Variants in PRR14L observed in about 807,000 individuals in gnomAD.
PRR14L encodes the protein protein PRR14L.
PRR14L carries 80 observed loss-of-function variants against 155.0 expected under a neutral mutation model. The observed-to-expected ratio is 0.52, with a 90% CI of 0.43 to 0.62. PRR14L has a LOEUF of 0.62. Among genes scored for constraint, PRR14L ranks in the 20% least tolerant of loss-of-function variants. The pLI, the probability that PRR14L is intolerant of heterozygous loss-of-function variation, is 0.00. For synonymous variants in PRR14L, 883 were observed against 916.0 expected, an observed-to-expected ratio of 0.96 and a Z score of 0.65; for missense variants, 2,469 against 2,548.0, an observed-to-expected ratio of 0.97 and a Z score of 0.67.
Position 31,713,452 on chromosome 22 carries a change from T to A in PRR14L, c.4387A>T (p.Lys1463Ter). ...CTTTCCTCCTTCTGGTCTTCTAACT[T>A]CTGAGTCTGTGCCACAATGCTGTCC... ...AKDSIVAQTQ[K>*]LEDQKEERLH... The change falls in exon 4 of 9, where the codon AAG becomes TAG. Residue 1463 changes from lysine (K) to a stop codon, truncating the protein, a stop_gained. Coordinates refer to ENST00000327423, the MANE Select transcript of PRR14L (RefSeq NM_173566.3). LOFTEE classifies it high-confidence loss of function. 6.4e-7 allele frequency: 1 copy of A among 1,551,962 alleles called. No individual in the cohort carries two copies. Among genetic ancestry groups the A allele is most frequent in the Non-Finnish European group, 8.7e-7 (1 of 1,147,044 alleles).
intron 8 of PRR14L, among the ~76,000 whole-genome samples, chr22:31,686,388 G>T (rs1262508109): frequency 6.6e-6 from 1 of 150,542 alleles, no homozygotes; most frequent in Admixed American, 6.6e-5. Flanking sequence ...TTACAGGTGT[G>T]AGCCACTGCA....
chr22:31,717,429 T>C, intron 3 of PRR14L, 138 bp from the exon 4 acceptor site: 1 of 664,274 alleles, frequency 1.5e-6, no homozygotes. Context: ...GTTAGCATGC[T>C]ATACCATTGA....
At chr22:31,747,566 C>A (rs2074846046) in intron 1 of PRR14L, among the ~76,000 whole-genome samples, 1 of 150,718 alleles carries the variant, frequency 6.6e-6, no homozygotes, top group African/African-American at 2.4e-5. Context: ...AAAATAAGCT[C>A]AAAGGGTCTT....
At chr22:31,708,731 A>T (rs997574105) in intron 4 of PRR14L, among the ~76,000 whole-genome samples, 3 of 152,042 alleles carry the variant, frequency 2.0e-5, no homozygotes, top group Non-Finnish European at 4.4e-5. Context: ...ACCTCTGCTG[A>T]TTCTTGTGCC....
At chr22:31,705,287 T>C (rs911888772) in intron 4 of PRR14L, among the ~76,000 whole-genome samples, 1 of 152,152 alleles carries the variant, frequency 6.6e-6, no homozygotes, top group African/African-American at 2.4e-5. Flanking sequence ...TTAAAAAATT[T>C]AAAGAATATA....
rs749097972 is a variant in PRR14L at position 31,712,601 on chromosome 22, C to G, written c.5238G>C (p.Arg1746Ser). ...ACTGGAGGGCCTCTCCTAAGGCAAG[C>G]CTTGCCGGAGCACAGTGCTCAGGAA... ...RTFPEHCAPARLALGEALQCP... is the reference protein window; with the variant it reads ...RTFPEHCAPASLALGEALQCP... Residue 1746 changes from arginine to serine, a missense_variant, in exon 4 of 9, where the codon AGG becomes AGC. Arg to Ser is a moderately radical substitution (Grantham distance 110, BLOSUM62 -1). Transcript: ENST00000327423. 3 of 1,551,704 alleles carry G rather than the reference C, an allele frequency of 1.9e-6. No homozygotes were observed. In the South Asian group the frequency reaches 3.6e-5, roughly 18 times the overall value.
intron 8 of PRR14L, among the ~76,000 whole-genome samples, chr22:31,687,673 A>G (rs2074489056): frequency 6.6e-6 from 1 of 151,636 alleles, no homozygotes; most frequent in Non-Finnish European, 1.5e-5. Context: ...ACGTAACCCA[A>G]TACACTTTAT....
Position 31,682,034 on chromosome 22 carries a change from T to A in PRR14L, c.*3493A>T, listed in dbSNP as rs1433609675. The A allele has an allele frequency of 1.3e-5, 2 of 152,160 alleles. No homozygotes were observed. Among genetic ancestry groups the A allele is most frequent in the Non-Finnish European group, 2.9e-5 (2 of 68,024 alleles). 9.4% of individuals were successfully genotyped at this position (152,160 alleles called of 1,614,324 possible). On this transcript the variant is annotated 3_prime_UTR_variant, in exon 9 of 9. Transcript: ENST00000327423. The stretch of plus-strand genomic sequence containing the variant: ...GGAGAAAAGTATCACTGCCTAAAAG[T>A]TGGTCTTTCGCAGATCTTAATGTAC...
chr22:31,721,757 G>A (rs572191153), intron 3 of PRR14L, among the ~76,000 whole-genome samples: 19 of 152,174 alleles, frequency 1.2e-4, no homozygotes, highest in African/African-American at 4.3e-4. Flanking sequence ...AAGTACACAA[G>A]TTGATCTTTT....
intron 3 of PRR14L, 129 bp from the exon 4 acceptor site, chr22:31,717,420 T>G: frequency 4.2e-6 from 3 of 713,350 alleles, no homozygotes; most frequent in Non-Finnish European, 4.5e-6. Context: ...AACTGGAAAG[T>G]TAGCATGCTA....
At chr22:31,744,359 C>G (rs1911732143) in intron 1 of PRR14L, among the ~76,000 whole-genome samples, 1 of 152,158 alleles carries the variant, frequency 6.6e-6, no homozygotes, top group East Asian at 1.9e-4. Context: ...TCTCAAACTC[C>G]CAACCTCAGG....
intron 7 of PRR14L, among the ~76,000 whole-genome samples, chr22:31,694,391 T>G (rs2074524935): frequency 6.6e-6 from 1 of 151,268 alleles, no homozygotes; most frequent in Non-Finnish European, 1.5e-5. Flanking sequence ...TTAAACATTT[T>G]TTGGACCATC....
rs192243748 is a variant in PRR14L at position 31,683,966 on chromosome 22, G to A, written c.*1561C>T. The stretch of plus-strand genomic sequence containing the variant: ...TCCCATCGGCGGCTGCTCCATGCCA[G>A]TGGCTCCCAGGAGGATATGAAGAGG... On this transcript the variant is annotated 3_prime_UTR_variant, in exon 9 of 9. Transcript: ENST00000327423. 7 of 152,324 alleles carry A rather than the reference G, an allele frequency of 4.6e-5. No homozygotes were observed. The highest frequency in any genetic ancestry group is 7.3e-5 in the Non-Finnish European group (5 of 68,152). 9.4% of individuals were successfully genotyped at this position (152,324 alleles called of 1,614,324 possible). A position where few individuals can be genotyped will look rare whatever the true frequency, so the allele number is the denominator to read the frequency against.
chr22:31,715,547 T>C lies in PRR14L; in HGVS notation c.2292A>G (p.Glu764=), dbSNP rs1569498903. 4.5e-6 allele frequency: 7 copies of C among 1,552,026 alleles called. No individual in the cohort carries two copies. Among genetic ancestry groups the C allele is most frequent in the Non-Finnish European group, 1.7e-6 (2 of 1,147,070 alleles). The change falls in exon 4 of 9, where the codon GAA becomes GAG. Residue 764 remains glutamate, a synonymous_variant. Coordinates refer to ENST00000327423, the MANE Select transcript of PRR14L (RefSeq NM_173566.3). Reference sequence around the variant, plus strand: ...AGACCACTTGAGGAAAGCCAGCTGCTTCTCTCTTATTTGAGCGCAGCCTGG... The same window carrying C: ...AGACCACTTGAGGAAAGCCAGCTGCCTCTCTCTTATTTGAGCGCAGCCTGG... ...LHSRLRSNKR[E]AAGFPQVVSV...
At chr22:31,687,874 AC>A (rs1269786304) in intron 8 of PRR14L, among the ~76,000 whole-genome samples, 1 of 151,652 alleles carries the variant, frequency 6.6e-6, no homozygotes, top group East Asian at 2.0e-4. Flanking sequence ...TACTAAAAAT[AC>A]AAAAAATTAG....
At chr22:31,709,397 A>G (rs894956566) in intron 4 of PRR14L, among the ~76,000 whole-genome samples, 2 of 150,122 alleles carry the variant, frequency 1.3e-5, no homozygotes, top group Non-Finnish European at 3.0e-5. Context: ...AATTACAGGC[A>G]TAAGCCACTA....
intron 2 of PRR14L, among the ~76,000 whole-genome samples, chr22:31,734,585 C>T (rs2074768334): frequency 6.6e-6 from 1 of 152,122 alleles, no homozygotes; most frequent in African/African-American, 2.4e-5. Flanking sequence ...TTGCTGCTGC[C>T]CCACATCTTC....
Position 31,712,303 on chromosome 22 carries a change from G to A in PRR14L, c.5536C>T (p.Pro1846Ser). The change falls in exon 4 of 9, where the codon CCT (proline) becomes TCT (serine). Residue 1846 changes from proline (P) to serine (S), a missense_variant. By Grantham distance (74) the Pro-to-Ser change is moderately conservative. Around this residue, in one of 2 missense-constraint regions of PRR14L, gnomAD observed 2,363 missense variants for 2,371.6 expected, o/e 1.00. Transcript: ENST00000327423. ...GTCATGAAGAGCCTCTGCATGGTAG[G>A]CATGTGGCTGGAGAAGCTCCGTTTT... ...TKKRSFSSHMPTMQRLFMTQF... is the reference protein window; with the variant it reads ...TKKRSFSSHMSTMQRLFMTQF... 3 of 1,614,152 alleles carry A rather than the reference G, an allele frequency of 1.9e-6. No homozygotes were observed. Among genetic ancestry groups the A allele is most frequent in the Non-Finnish European group, 1.7e-6 (2 of 1,180,008 alleles).
At chr22:31,705,652 A>G (rs1208717936) in intron 4 of PRR14L, among the ~76,000 whole-genome samples, 2 of 151,930 alleles carry the variant, frequency 1.3e-5, no homozygotes, top group Admixed American at 1.3e-4. Flanking sequence ...CATTACAGGC[A>G]TGAGCCACCG....
Sources: gnomAD v4.1 joint callset for allele counts (sites outside exome capture counted in the v4.1 genomes callset) on GRCh38, gnomAD v4.1.1 for gene constraint, gnomAD v4.1.1 regional missense constraint, MANE v1.5 for transcripts, NCBI Gene and HGNC (gene_info 2026-07-23, HGNC 2026-07-21) for gene names.